The following KCNN2 variants were observed in gnomAD, a reference collection of about 807,000 sequenced individuals.
The protein encoded by KCNN2 is small conductance calcium-activated potassium channel protein 2.
KCNN2 carries 24 observed loss-of-function variants against 55.5 expected under a neutral mutation model. That is an observed-to-expected ratio of 0.43 (90% confidence interval 0.31 to 0.61). The LOEUF is 0.61. Ranked by LOEUF, KCNN2 falls within the 20% of genes least tolerant of loss-of-function variation. The pLI is 0.08. For missense variants in KCNN2, 754 were observed against 853.6 expected, an observed-to-expected ratio of 0.88 and a Z score of 1.45; for synonymous variants, 431 against 336.1, an observed-to-expected ratio of 1.28 and a Z score of -3.09.
chr5:114,342,205 AT>A (rs11427618), intron 2 of KCNN2, among the ~76,000 whole-genome samples: 112 of 150,816 alleles, frequency 7.4e-4, no homozygotes, highest in Non-Finnish European at 1.2e-3. Flanking sequence ...CCGGCCCATA[AT>A]TTTTTTTTTA....
At chr5:114,087,775 G>A (rs2632123) in intron 1 of KCNN2, among the ~76,000 whole-genome samples, 20,310 of 151,502 alleles carry the variant, frequency 0.13, 1,420 homozygotes, top group Middle Eastern at 0.16. Context: ...CAACTGCTTT[G>A]TTTTATTTTT....
intron 1 of KCNN2, among the ~76,000 whole-genome samples, chr5:114,060,998 C>T (rs1203463325): frequency 6.6e-6 from 1 of 152,226 alleles, no homozygotes; most frequent in East Asian, 1.9e-4. Flanking sequence ...TGGGCATTTG[C>T]TGTTCCATTT....
intron 2 of KCNN2, among the ~76,000 whole-genome samples, chr5:114,320,814 T>C (rs976207291): frequency 6.6e-6 from 1 of 152,132 alleles, no homozygotes; most frequent in Non-Finnish European, 1.5e-5. Context: ...TAGTGTTGTT[T>C]GTTTGTTTGT....
intron 1 of KCNN2, among the ~76,000 whole-genome samples, chr5:114,199,714 C>T (rs1157409343): frequency 6.6e-6 from 1 of 151,988 alleles, no homozygotes; most frequent in Non-Finnish European, 1.5e-5. Context: ...GTGACAAAAT[C>T]CCCCAGCATT....
At chr5:114,376,826 T>G (rs1158697071) in intron 2 of KCNN2, among the ~76,000 whole-genome samples, 1 of 152,196 alleles carries the variant, frequency 6.6e-6, no homozygotes, top group Non-Finnish European at 1.5e-5. Context: ...CTTATACCTG[T>G]AATCTCAATG....
intron 2 of KCNN2, among the ~76,000 whole-genome samples, chr5:114,259,188 C>T (rs75322996): frequency 0.091 from 13,847 of 152,204 alleles, 814 homozygotes; most frequent in Non-Finnish European, 0.12. Flanking sequence ...TAGGAAAGCA[C>T]GTGTTCTGGT....
chr5:114,295,150 A>C (rs1458684541), intron 2 of KCNN2, among the ~76,000 whole-genome samples: 1 of 152,198 alleles, frequency 6.6e-6, no homozygotes, highest in African/African-American at 2.4e-5. Flanking sequence ...CTCAGGGCTC[A>C]GAGACCCACT....
At chr5:114,145,457 G>T (rs1055942596) in intron 1 of KCNN2, among the ~76,000 whole-genome samples, 4 of 152,204 alleles carry the variant, frequency 2.6e-5, no homozygotes, top group African/African-American at 9.6e-5. Flanking sequence ...ATCTGCCTTA[G>T]AAGTTTTAAT....
At chr5:114,162,158 G>A (rs950751644) in intron 1 of KCNN2, among the ~76,000 whole-genome samples, 13 of 152,252 alleles carry the variant, frequency 8.5e-5, no homozygotes, top group South Asian at 8.3e-4. Context: ...CTTTGATGAT[G>A]GTGATGTACA....
At chr5:114,273,450 C>G (rs1453530198) in intron 2 of KCNN2, among the ~76,000 whole-genome samples, 1 of 152,108 alleles carries the variant, frequency 6.6e-6, no homozygotes, top group Non-Finnish European at 1.5e-5. Context: ...CACTCTCTAC[C>G]ACAATGGTTG....
At chr5:114,142,033 C>G (rs779435471) in intron 1 of KCNN2, among the ~76,000 whole-genome samples, 42 of 151,932 alleles carry the variant, frequency 2.8e-4, no homozygotes, top group Non-Finnish European at 5.9e-4. Context: ...GGATATTAGC[C>G]CTTTGTCAGA....
chr5:114,459,838 G>A (rs759721581), intron 3 of KCNN2, among the ~76,000 whole-genome samples: 6 of 152,134 alleles, frequency 3.9e-5, no homozygotes, highest in Admixed American at 6.5e-5. Flanking sequence ...AATGTAATGC[G>A]AACAGCATAT....
At chr5:114,309,186 C>T (rs890717892) in intron 2 of KCNN2, among the ~76,000 whole-genome samples, 3 of 152,304 alleles carry the variant, frequency 2.0e-5, no homozygotes, top group East Asian at 3.9e-4. Flanking sequence ...TTGCATATTA[C>T]CTTTTAAATG....
chr5:114,447,800 C>G (rs137998219), intron 3 of KCNN2, among the ~76,000 whole-genome samples: 15 of 152,318 alleles, frequency 9.8e-5, no homozygotes, highest in African/African-American at 3.4e-4. Flanking sequence ...TGAGTATGTA[C>G]CACACTTTAC....
chr5:114,211,520 T>G (rs765918769), intron 1 of KCNN2, among the ~76,000 whole-genome samples: 1 of 152,034 alleles, frequency 6.6e-6, no homozygotes, highest in Non-Finnish European at 1.5e-5. Flanking sequence ...TGAGAATTCA[T>G]GGACACAAAG....
chr5:114,464,772 T>TTAAAAGAAAAATAATAGTTTTAA (rs1761362560), intron 4 of KCNN2, among the ~76,000 whole-genome samples: 1 of 152,122 alleles, frequency 6.6e-6, no homozygotes, highest in African/African-American at 2.4e-5. Context: ...TTATTTGCCT[T>TTAAAAGAAAAATAATAGTTTTAA]TAAAAGAAAA....
At chr5:114,435,440 C>CA (rs1435425453) in intron 3 of KCNN2, among the ~76,000 whole-genome samples, 1 of 151,962 alleles carries the variant, frequency 6.6e-6, no homozygotes, top group Non-Finnish European at 1.5e-5. Context: ...CGATGAGTCT[C>CA]AAACTCCTTT....
intron 2 of KCNN2, among the ~76,000 whole-genome samples, chr5:114,328,839 C>T (rs1471895174): frequency 6.6e-6 from 1 of 152,210 alleles, no homozygotes; most frequent in Non-Finnish European, 1.5e-5. Context: ...GATCATTGCT[C>T]TTCACACTGC....
intron 2 of KCNN2, among the ~76,000 whole-genome samples, chr5:114,353,532 A>C (rs1445646356): frequency 1.3e-5 from 2 of 151,874 alleles, no homozygotes; most frequent in African/African-American, 4.8e-5. Flanking sequence ...CCACATAATT[A>C]CCACTGGCGC....
Sources: allele counts gnomAD v4.1 joint callset (sites outside exome capture counted in the v4.1 genomes callset), GRCh38; gene constraint gnomAD v4.1.1; transcripts MANE v1.5; gene names NCBI Gene and HGNC (gene_info 2026-07-23, HGNC 2026-07-21).